STARD10: variants seen among roughly 807,000 people sequenced by gnomAD.
STARD10 encodes the protein START domain-containing protein 10.
A neutral mutation model predicts 36.0 loss-of-function variants in STARD10; 24 were observed. The ratio of observed to expected loss-of-function variants is 0.67; its 90% CI spans 0.48 to 0.94. The LOEUF is 0.94. Among genes scored for constraint, STARD10 ranks in the 40% least tolerant of loss-of-function variants. The pLI is 0.00. For missense variants in STARD10, 335 were observed against 396.6 expected (o/e 0.84, Z 1.32); for synonymous variants, 156 against 161.9 (o/e 0.96, Z 0.28).
In STARD10 at chr11:72,766,525, G is replaced by A. The variant is rs76036333; in HGVS notation, c.208-7144C>T. ...GGGGCAGGAAAGGGCATTTCAGCAG[G>A]GGGACGAGTGGTGCAAAGGCCTGGA... On this transcript the variant is annotated intron_variant, in intron 2 of 6. Transcript: ENST00000334805. 8.4e-3 allele frequency among the ~76,000 whole-genome samples: 1,272 copies of A among 152,262 alleles called. 26 individuals are homozygous for A. Among genetic ancestry groups the A allele is most frequent in the African/African-American group, 0.027 (1,138 of 41,550 alleles).
Position 72,757,797 on chromosome 11 carries a change from T to C in STARD10, c.547A>G (p.Ile183Val), listed in dbSNP as rs201180158. ...GGGTCCACCTGGGCCAGGTAGGTGA[T>C]GACGCAGCTCTTGGGCCCTGTGCTC... The part of the protein sequence containing the change: ...IQSTGPKSCV[I>V]TYLAQVDPKG... Residue 183 changes from isoleucine to valine, a missense_variant, in exon 5 of 7, where the codon ATC becomes GTC. Physicochemically the swap from Ile to Val is conservative, Grantham distance 29. Coordinates refer to ENST00000334805, the MANE Select transcript of STARD10 (RefSeq NM_006645.3). The C allele has an allele frequency of 3.2e-4, 512 of 1,614,166 alleles. No individual in the cohort carries two copies. In the African/African-American group the frequency reaches 6.0e-3, roughly 19 times the overall value.
At chr11:72,759,122 C>T (rs1858684463) in intron 3 of STARD10, 112 bp downstream of exon 3, 51 of 1,353,170 alleles carry the variant, frequency 3.8e-5, no homozygotes, top group Non-Finnish European at 4.5e-5. Flanking sequence ...CTCAAGTCTC[C>T]GAGCAGCTTG....
chr11:72,774,740 C>T (rs755568548), intron 2 of STARD10, among the ~76,000 whole-genome samples: 15 of 152,232 alleles, frequency 9.9e-5, no homozygotes, highest in Non-Finnish European at 1.8e-4. Flanking sequence ...TCCTGCTCCT[C>T]GGGAACAAAC....
intron 2 of STARD10, among the ~76,000 whole-genome samples, chr11:72,762,789 A>G (rs1163221008): frequency 6.6e-6 from 1 of 152,200 alleles, no homozygotes; most frequent in African/African-American, 2.4e-5. Flanking sequence ...CAGAAAGAAC[A>G]GCCAGCCAAG....
At chr11:72,775,127 G>A (rs559369704) in intron 2 of STARD10, among the ~76,000 whole-genome samples, 1 of 152,292 alleles carries the variant, frequency 6.6e-6, no homozygotes, top group South Asian at 2.1e-4. Context: ...TGTACAGGAT[G>A]GCTGTACATC....
Position 72,758,467 on chromosome 11 carries a change from C to T in STARD10, c.459+63G>A, listed in dbSNP as rs1189331068. On this transcript the variant is annotated intron_variant, in intron 4 of 6. Coordinates refer to ENST00000334805, the MANE Select transcript of STARD10 (RefSeq NM_006645.3). ...AGTCATATTGAAGTCATGGTGGCAGCCTCAGCCTTGCGCTGCCTGACCCTC... is the reference window on the plus strand; with the variant it reads ...AGTCATATTGAAGTCATGGTGGCAGTCTCAGCCTTGCGCTGCCTGACCCTC... 3 of 1,369,446 alleles carry T rather than the reference C, an allele frequency of 2.2e-6. No homozygotes were observed. The Admixed American group carries it at 5.2e-5, about 24-fold the overall frequency. 84.8% of individuals were successfully genotyped at this position (1,369,446 alleles called of 1,614,324 possible).
intron 2 of STARD10, among the ~76,000 whole-genome samples, chr11:72,777,325 C>T (rs571422989): frequency 1.3e-5 from 2 of 152,366 alleles, no homozygotes; most frequent in African/African-American, 2.4e-5. Context: ...AGTTCAGAGG[C>T]TCTTGGAGCC....
Position 72,762,019 on chromosome 11 carries a change from G to A in STARD10, c.208-2638C>T, listed in dbSNP as rs150154118. On this transcript the variant is annotated intron_variant, in intron 2 of 6. Coordinates refer to ENST00000334805, the MANE Select transcript of STARD10 (RefSeq NM_006645.3). ...TGGCTCACCGCAACCTACGCCTCCC[G>A]GGTTCAAGTGATTCTTCTGCCTCAG... Among the ~76,000 whole-genome samples the A allele has an allele frequency of 2.7e-3, 379 of 139,372 alleles. 1 individual carries two copies. In the East Asian group the frequency reaches 0.046, roughly 17 times the overall value. The allele number at this position is 139,372 out of a possible 152,430, so 91.4% of individuals were successfully genotyped here. A position where few individuals can be genotyped will look rare whatever the true frequency, so the allele number is the denominator to read the frequency against.
intron 1 of STARD10, among the ~76,000 whole-genome samples, chr11:72,788,256 C>G (rs932412673): frequency 6.6e-6 from 1 of 152,196 alleles, no homozygotes; most frequent in African/African-American, 2.4e-5. Flanking sequence ...CCTGCCTGAC[C>G]TTCTGCCTGA....
At chr11:72,778,447 A>G (rs557626257) in intron 2 of STARD10, among the ~76,000 whole-genome samples, 2 of 152,340 alleles carry the variant, frequency 1.3e-5, no homozygotes, top group East Asian at 3.9e-4. Context: ...GAGTCCTGCA[A>G]TCTTGGGGAT....
At position 72,780,373 on chromosome 11, in the gene STARD10, C is replaced by T. The variant is rs903799601; in HGVS notation, c.207+602G>A. 3 of 436,332 alleles carry T rather than the reference C, an allele frequency of 6.9e-6. No homozygotes were observed. The Admixed American group carries it at 7.4e-5, about 11-fold the overall frequency. 27.0% of individuals were successfully genotyped at this position (436,332 alleles called of 1,614,324 possible). A position where few individuals can be genotyped will look rare whatever the true frequency, so the allele number is the denominator to read the frequency against. ...CTTCCTTCCCCAGCCCACCTGTAGC[C>T]TGGCTCTGTGCAAGGCAGGGGTATT... On this transcript the variant is annotated intron_variant, in intron 2 of 6. Transcript: ENST00000334805.
rs527492808 is a variant in STARD10 at position 72,777,186 on chromosome 11, C to T, written c.207+3789G>A. ...GGGTCTGAAGACCTCTGAGGAGATA[C>T]GCAGGTCTCCCCTGCCTCTCATGCG... On this transcript the variant is annotated intron_variant, in intron 2 of 6. Transcript: ENST00000334805. Among the ~76,000 whole-genome samples the T allele has an allele frequency of 4.6e-5, 7 of 152,384 alleles. No individual in the cohort carries two copies. In the East Asian group the frequency reaches 9.6e-4, roughly 21 times the overall value.
Position 72,755,121 on chromosome 11 carries a change from C to A in STARD10, c.652G>T (p.Ala218Ser). The A allele has an allele frequency of 6.2e-7, 1 of 1,613,102 alleles. No homozygotes were observed. The highest frequency in any genetic ancestry group is 8.5e-7 in the Non-Finnish European group (1 of 1,179,660). The change falls in exon 7 of 7, where the codon GCG becomes TCG. Residue 218 changes from alanine (A) to serine (S), a missense_variant. Transcript: ENST00000334805. ...APKAMKKMYK[A>S]CLKYPEWKQK... Reference sequence around the variant, plus strand: ...TTCCACTCGGGGTACTTGAGGCACGCCTTGTACATCTTCTTCATGGCCTGT... The same window carrying A: ...TTCCACTCGGGGTACTTGAGGCACGACTTGTACATCTTCTTCATGGCCTGT...
chr11:72,787,220 A>G (rs906165709), intron 1 of STARD10, among the ~76,000 whole-genome samples: 3 of 151,976 alleles, frequency 2.0e-5, no homozygotes, highest in Admixed American at 6.6e-5. Flanking sequence ...AAGACCACTG[A>G]GCAGGGAACT....
chr11:72,759,982 C>T (rs1215279077), intron 2 of STARD10, among the ~76,000 whole-genome samples: 1 of 151,968 alleles, frequency 6.6e-6, no homozygotes, highest in Non-Finnish European at 1.5e-5. Flanking sequence ...GCGATCTTGG[C>T]TCACTGCAAC....
intron 2 of STARD10, among the ~76,000 whole-genome samples, chr11:72,779,943 C>G (rs1591270164): frequency 6.6e-6 from 1 of 152,122 alleles, no homozygotes; most frequent in South Asian, 2.1e-4. Context: ...AAGATACATG[C>G]CTGAACTAAG....
chr11:72,764,691 T>G (rs1344932118), intron 2 of STARD10, among the ~76,000 whole-genome samples: 1 of 152,156 alleles, frequency 6.6e-6, no homozygotes, highest in Non-Finnish European at 1.5e-5. Flanking sequence ...TCTAAGAGGC[T>G]TGGGGAGGGA....
chr11:72,782,259 GACTA>G (rs1327028390), intron 1 of STARD10: 3 of 152,354 alleles, frequency 2.0e-5, no homozygotes, highest in Non-Finnish European at 4.4e-5. Flanking sequence ...ACAATCAAGA[GACTA>G]ACTCGCAGGG....
In STARD10 at chr11:72,759,223, C is replaced by T. The variant is rs144788399; in HGVS notation, c.355+11G>A. Reference sequence around the variant, plus strand: ...CAAGGGGACTGGGATCAGCGTGCTACGCCTGCTCACAGGAGTAATAGCCCA... The same window carrying T: ...CAAGGGGACTGGGATCAGCGTGCTATGCCTGCTCACAGGAGTAATAGCCCA... On this transcript the variant is annotated intron_variant, in intron 3 of 6. Coordinates refer to ENST00000334805, the MANE Select transcript of STARD10 (RefSeq NM_006645.3). 14,875 of 1,613,688 alleles carry T rather than the reference C, an allele frequency of 9.2e-3. 90 individuals are homozygous for T. Among genetic ancestry groups the T allele is most frequent in the Non-Finnish European group, 0.011 (12,824 of 1,179,816 alleles).
Sources: gnomAD v4.1 joint callset for allele counts (sites outside exome capture counted in the v4.1 genomes callset) on GRCh38, gnomAD v4.1.1 for gene constraint, MANE v1.5 for transcripts, NCBI Gene and HGNC (gene_info 2026-07-23, HGNC 2026-07-21) for gene names.